INAVA: variants seen among roughly 807,000 people sequenced by gnomAD.
The protein encoded by INAVA is innate immunity activator, also known as innate immunity activator protein.
Under a neutral mutation model 55.3 loss-of-function variants are expected in INAVA, and 32 were observed. That is an observed-to-expected ratio of 0.58 (90% CI 0.44 to 0.78). INAVA has a LOEUF of 0.78. Ranked by LOEUF, INAVA falls within the 30% of genes least tolerant of loss-of-function variation. The pLI is 0.00. For synonymous variants in INAVA, 294 were observed against 329.4 expected (o/e 0.89, Z 1.16); for missense variants, 756 against 786.4 (o/e 0.96, Z 0.46).
At chr1:200,897,356 A>C (rs1668374488) in intron 1 of INAVA, among the ~76,000 whole-genome samples, 1 of 152,116 alleles carries the variant, frequency 6.6e-6, no homozygotes, top group Non-Finnish European at 1.5e-5. Flanking sequence ...GTCTCCCAGG[A>C]GTAATTGATG....
chr1:200,903,289 G>A (rs1653340770), intron 5 of INAVA, among the ~76,000 whole-genome samples: 1 of 152,144 alleles, frequency 6.6e-6, no homozygotes, highest in Admixed American at 6.5e-5. Flanking sequence ...TTCAAGACCA[G>A]CCTGGCCAAC....
In INAVA at chr1:200,912,094, T is replaced by C. The variant is rs948783229; in HGVS notation, c.1601T>C (p.Leu534Pro). The change falls in exon 9 of 10, where the codon CTT becomes CCT. Residue 534 changes from leucine to proline, a missense_variant. By Grantham distance (98) the Leu-to-Pro change is moderately conservative. Around this residue, in one of 2 missense-constraint regions of INAVA, gnomAD observed 117 missense variants for 162.1 expected, o/e 0.72. Transcript: ENST00000413687. Reference protein sequence around the residue: ...QGAFRVRSLPLGREGFGRALG... With the variant: ...QGAFRVRSLPPGREGFGRALG... ...GCTTTCCGGGTCAGGAGCCTGCCCC[T>C]TGGGAGAGAGGGCTTCGGACGAGCC... 3.9e-6 allele frequency: 6 copies of C among 1,549,098 alleles called. No homozygotes were observed. Among genetic ancestry groups the C allele is most frequent in the African/African-American group, 1.4e-5 (1 of 73,020 alleles).
At chr1:200,896,728 A>G (rs1378687053) in intron 1 of INAVA, among the ~76,000 whole-genome samples, 3 of 152,096 alleles carry the variant, frequency 2.0e-5, no homozygotes, top group Non-Finnish European at 2.9e-5. Flanking sequence ...ATGGGTGGAG[A>G]GGTATCACCA....
intron 5 of INAVA, among the ~76,000 whole-genome samples, chr1:200,906,997 C>T (rs961459122): frequency 3.3e-5 from 5 of 151,946 alleles, no homozygotes; most frequent in African/African-American, 7.3e-5. Flanking sequence ...GGCTAATTTT[C>T]GTATTTTTTG....
chr1:200,911,124 TGTA>T (rs1653699749), intron 8 of INAVA, among the ~76,000 whole-genome samples: 1 of 24,340 alleles, frequency 4.1e-5, no homozygotes, highest in Non-Finnish European at 7.6e-5. Flanking sequence ...AAGTACTTAA[TGTA>T]GTACTTTAAA....
Position 200,912,017 on chromosome 1 carries a change from C to A in INAVA, c.1524C>A (p.His508Gln). 1 of 1,538,318 alleles carries A rather than the reference C, an allele frequency of 6.5e-7. No homozygotes were observed. Among genetic ancestry groups the A allele is most frequent in the Non-Finnish European group, 8.7e-7 (1 of 1,144,754 alleles). Residue 508 changes from histidine (H) to glutamine (Q), a missense_variant, in exon 9 of 10, where the codon CAC (histidine) becomes CAA (glutamine). His to Gln is a conservative substitution (Grantham distance 24). This residue lies in a region of INAVA where 117 missense variants were observed against 162.1 expected (regional missense o/e 0.72). Transcript: ENST00000413687. ...AAVSEELKWW[H>Q]ERARLRSTRP... Reference sequence around the variant, plus strand: ...TGTCCGAGGAGCTCAAGTGGTGGCACGAGCGTGCACGCCTCCGGAGCACCC... The same window carrying A: ...TGTCCGAGGAGCTCAAGTGGTGGCAAGAGCGTGCACGCCTCCGGAGCACCC...
chr1:200,913,188 G>C (rs946550053), intron 9 of INAVA, among the ~76,000 whole-genome samples: 1 of 152,196 alleles, frequency 6.6e-6, no homozygotes, highest in Non-Finnish European at 1.5e-5. Flanking sequence ...TCCAGCTGAC[G>C]TGCTTTTCCC....
At chr1:200,894,721 T>C (rs146576328), upstream of INAVA, 2 of 893,160 alleles carry the variant, frequency 2.2e-6, no homozygotes, top group African/African-American at 1.8e-5. Context: ...TGTTGTCTTC[T>C]TTGGGGATTC....
chr1:200,912,130 G>T lies in INAVA; in HGVS notation c.1637G>T (p.Arg546Leu). 6.5e-7 allele frequency: 1 copy of T among 1,547,930 alleles called. No individual in the cohort carries two copies. Residue 546 changes from arginine (R) to leucine (L), a missense_variant, in exon 9 of 10, where the codon CGG becomes CTG. Coordinates refer to ENST00000413687, the MANE Select transcript of INAVA (RefSeq NM_001142569.3). Reference protein sequence around the residue: ...REGFGRALGPRAQVPTVCVLR... With the variant: ...REGFGRALGPLAQVPTVCVLR... ...GGCTTCGGACGAGCCCTGGGACCCCGGGCACAGGTACGGCTGCTCTGGAGG... is the reference window on the plus strand; with the variant it reads ...GGCTTCGGACGAGCCCTGGGACCCCTGGCACAGGTACGGCTGCTCTGGAGG...
At chr1:200,905,964 T>G (rs1653472450) in intron 5 of INAVA, among the ~76,000 whole-genome samples, 1 of 152,244 alleles carries the variant, frequency 6.6e-6, no homozygotes, top group Non-Finnish European at 1.5e-5. Flanking sequence ...TCAACCACCT[T>G]TGTTGAATGT....
chr1:200,902,580 C>A (rs1026294313), intron 5 of INAVA, among the ~76,000 whole-genome samples: 4 of 152,254 alleles, frequency 2.6e-5, no homozygotes, highest in Non-Finnish European at 4.4e-5. Context: ...AGTTCTACAA[C>A]CTTACTCCAC....
At chr1:200,912,169 G>A (rs997937993) in intron 9 of INAVA, 32 bp downstream of exon 9, 6 of 1,518,842 alleles carry the variant, frequency 4.0e-6, no homozygotes, top group Non-Finnish European at 5.3e-6. Context: ...CCCGGGGCCA[G>A]GCAGGAGGGC....
Position 200,911,981 on chromosome 1 carries a change from C to T in INAVA, c.1488C>T (p.Ser496=). ...ACAGCCCGGCAGGCCGGGGGCTCAGCAAGGCCGCCGTGTCCGAGGAGCTCA... is the reference window on the plus strand; with the variant it reads ...ACAGCCCGGCAGGCCGGGGGCTCAGTAAGGCCGCCGTGTCCGAGGAGCTCA... ...LKDSPAGRGL[S]KAAVSEELKW... is the part of the protein sequence containing the mutation. The change falls in exon 9 of 10, where the codon AGC becomes AGT. Residue 496 remains serine (S), a synonymous_variant. Transcript: ENST00000413687. 6.5e-7 allele frequency: 1 copy of T among 1,530,198 alleles called. No homozygotes were observed. Among genetic ancestry groups the T allele is most frequent in the Non-Finnish European group, 8.8e-7 (1 of 1,142,720 alleles). The allele number at this position is 1,530,198 out of a possible 1,614,324, so 94.8% of individuals were successfully genotyped here. A position where few individuals can be genotyped will look rare whatever the true frequency, so the allele number is the denominator to read the frequency against.
intron 8 of INAVA, among the ~76,000 whole-genome samples, chr1:200,909,893 C>G (rs960593288): frequency 1.3e-5 from 2 of 152,134 alleles, no homozygotes; most frequent in Non-Finnish European, 2.9e-5. Context: ...TAATATATAA[C>G]CTTATGTTAT....
chr1:200,909,509 C>T (rs1653630925), intron 8 of INAVA, 112 bp downstream of exon 8: 1 of 966,702 alleles, frequency 1.0e-6, no homozygotes, highest in Non-Finnish European at 1.4e-6. Flanking sequence ...TGGCTAGTGC[C>T]TTGACTTCTC....
chr1:200,893,955 G>T (rs78558361), upstream of INAVA, among the ~76,000 whole-genome samples: 5 of 151,978 alleles, frequency 3.3e-5, no homozygotes, highest in Admixed American at 1.3e-4. Context: ...ATCAGAGAGT[G>T]GGGGGAAAGG....
At chr1:200,901,238 T>A in intron 5 of INAVA, 79 bp downstream of exon 5, 1 of 1,338,794 alleles carries the variant, frequency 7.5e-7, no homozygotes, top group Non-Finnish European at 9.8e-7. Context: ...CCCGTGCCAC[T>A]GCCTTTGCAT....
chr1:200,911,659 G>T lies in INAVA; in HGVS notation c.1166G>T (p.Ser389Ile), dbSNP rs1210721474. ...ISHPTSPGSS[S>I]PDISFLQPLS... ...CACCCCACTTCGCCGGGCAGCAGCA[G>T]CCCCGACATCTCCTTTCTGCAGCCT... Residue 389 changes from serine (S) to isoleucine (I), a missense_variant, in exon 9 of 10, where the codon AGC (serine) becomes ATC (isoleucine). Physicochemically the swap from Ser to Ile is moderately radical, Grantham distance 142. Transcript: ENST00000413687. The T allele has an allele frequency of 6.2e-7, 1 of 1,614,008 alleles. No homozygotes were observed. The highest frequency in any genetic ancestry group is 2.2e-5 in the East Asian group (1 of 44,874).
chr1:200,894,980 G>A lies in INAVA; in HGVS notation c.-202G>A, dbSNP rs1668312062. 1 of 985,728 alleles carries A rather than the reference G, an allele frequency of 1.0e-6. No individual in the cohort carries two copies. Among genetic ancestry groups the A allele is most frequent in the Non-Finnish European group, 1.2e-6 (1 of 830,096 alleles). 61.1% of individuals were successfully genotyped at this position (985,728 alleles called of 1,614,324 possible). ...AGCAGCTCCGTCAGCTGGAGAGAGAGCACAGGCCTGTGGCTTGGGAGACCC... is the reference window on the plus strand; with the variant it reads ...AGCAGCTCCGTCAGCTGGAGAGAGAACACAGGCCTGTGGCTTGGGAGACCC... On this transcript the variant is annotated 5_prime_UTR_variant, in exon 1 of 10. Coordinates refer to ENST00000413687, the MANE Select transcript of INAVA (RefSeq NM_001142569.3).
Sources: allele counts gnomAD v4.1 joint callset (sites outside exome capture counted in the v4.1 genomes callset), GRCh38; gene constraint gnomAD v4.1.1; regional missense constraint gnomAD v4.1.1; transcripts MANE v1.5; gene names NCBI Gene and HGNC (gene_info 2026-07-23, HGNC 2026-07-21).